The following MAP7 variants were observed in gnomAD, a reference collection of about 807,000 sequenced individuals.
The protein encoded by MAP7 is ensconsin.
Under a neutral mutation model 94.8 loss-of-function variants are expected in MAP7, and 52 were observed. The ratio of observed to expected loss-of-function variants is 0.55; its 90% CI spans 0.44 to 0.69. The LOEUF is 0.69. Among genes scored for constraint, MAP7 ranks in the 30% least tolerant of loss-of-function variants. MAP7 has a pLI of 0.00. For missense variants in MAP7, 940 were observed against 964.6 expected, an observed-to-expected ratio of 0.97 and a Z score of 0.34; for synonymous variants, 350 against 357.0, an observed-to-expected ratio of 0.98 and a Z score of 0.22.
At chr6:136,467,782 T>G (rs963888648) in intron 1 of MAP7, among the ~76,000 whole-genome samples, 1 of 152,144 alleles carries the variant, frequency 6.6e-6, no homozygotes, top group Non-Finnish European at 1.5e-5. Flanking sequence ...CAGAACACTT[T>G]GATTACAACC....
chr6:136,403,000 G>C (rs1025419764), intron 3 of MAP7, among the ~76,000 whole-genome samples: 1 of 149,528 alleles, frequency 6.7e-6, no homozygotes, highest in Non-Finnish European at 1.5e-5. Context: ...AGGAATGTTA[G>C]CCTTCACTAA....
At chr6:136,360,235 C>G (rs1792182141) in intron 13 of MAP7, among the ~76,000 whole-genome samples, 1 of 151,702 alleles carries the variant, frequency 6.6e-6, no homozygotes, top group South Asian at 2.1e-4. Flanking sequence ...TTCACTGTAG[C>G]CTCTGCCTCC....
At chr6:136,477,200 C>T (rs1003013851) in intron 1 of MAP7, among the ~76,000 whole-genome samples, 12 of 152,128 alleles carry the variant, frequency 7.9e-5, no homozygotes, top group Admixed American at 2.0e-4. Flanking sequence ...CCTCCTGATA[C>T]GATACATGGA....
rs190326438 is a variant in MAP7, at chr6:136,527,662, A to G, written c.67+22680T>C. Among the ~76,000 whole-genome samples the G allele has an allele frequency of 1.6e-4, 24 of 152,272 alleles. No individual in the cohort carries two copies. In the East Asian group the frequency reaches 4.1e-3, roughly 26 times the overall value. On this transcript the variant is annotated intron_variant, in intron 1 of 17. Coordinates refer to ENST00000354570, the MANE Select transcript of MAP7 (RefSeq NM_003980.6). The stretch of plus-strand genomic sequence containing the variant: ...AACTTGAAGTGCTTAATAAATACCA[A>G]CTATTATTATACTTTATAATAGTTT...
At chr6:136,400,691 G>T (rs774125613) in intron 3 of MAP7, among the ~76,000 whole-genome samples, 4 of 152,312 alleles carry the variant, frequency 2.6e-5, no homozygotes, top group African/African-American at 9.6e-5. Context: ...ACCCAAAGAA[G>T]TGAAATGATG....
chr6:136,412,942 C>G (rs996064330), intron 2 of MAP7, among the ~76,000 whole-genome samples: 11 of 151,954 alleles, frequency 7.2e-5, no homozygotes, highest in South Asian at 6.2e-4. Context: ...GGGTGGATTG[C>G]CTGAGCTGAG....
intron 8 of MAP7, among the ~76,000 whole-genome samples, 154 bp downstream of exon 8, chr6:136,372,346 CA>C (rs1295334896): frequency 6.6e-6 from 1 of 152,166 alleles, no homozygotes; most frequent in African/African-American, 2.4e-5. Context: ...CACTACTGCC[CA>C]GCTAGCCAGA....
chr6:136,445,386 C>T (rs1278243007), intron 1 of MAP7, among the ~76,000 whole-genome samples: 1 of 152,196 alleles, frequency 6.6e-6, no homozygotes, highest in Admixed American at 6.5e-5. Context: ...AATTTACTGT[C>T]CCTAGCCCAG....
chr6:136,520,951 T>G (rs1000790266), intron 1 of MAP7, among the ~76,000 whole-genome samples: 1 of 152,170 alleles, frequency 6.6e-6, no homozygotes, highest in African/African-American at 2.4e-5. Flanking sequence ...CTAAGGGGCT[T>G]GGACTATTCC....
chr6:136,492,844 T>C (rs1037511340), intron 1 of MAP7, among the ~76,000 whole-genome samples: 4 of 152,136 alleles, frequency 2.6e-5, no homozygotes, highest in South Asian at 2.1e-4. Context: ...TAGAGTATTA[T>C]TAAATAAAGT....
chr6:136,456,807 GAA>G (rs1456082557), intron 1 of MAP7, among the ~76,000 whole-genome samples: 4 of 70,958 alleles, frequency 5.6e-5, no homozygotes, highest in Admixed American at 3.2e-4. Context: ...AGAAGAAGAA[GAA>G]GAAGAAGAAG....
chr6:136,352,281 G>A (rs1789465348), intron 16 of MAP7, among the ~76,000 whole-genome samples: 2 of 150,966 alleles, frequency 1.3e-5, no homozygotes, highest in African/African-American at 4.9e-5. Flanking sequence ...TCGACCTCCT[G>A]AGCTCACGCC....
Position 136,352,121 on chromosome 6 carries a change from A to T in MAP7, c.2015+4571T>A, listed in dbSNP as rs575388878. Among the ~76,000 whole-genome samples the T allele has an allele frequency of 2.0e-5, 3 of 152,046 alleles. No individual in the cohort carries two copies. The East Asian group carries it at 5.8e-4, about 29-fold the overall frequency. On this transcript the variant is annotated intron_variant, in intron 16 of 17. Transcript: ENST00000354570. The stretch of plus-strand genomic sequence containing the variant: ...AACAAGGTCTGGATTACAGACCTGC[A>T]GGGTAAGGGATCTTTCTTCTTGGGT...
chr6:136,364,259 T>G, intron 10 of MAP7: 1 of 541,196 alleles, frequency 1.8e-6, no homozygotes, highest in Non-Finnish European at 3.7e-6. Context: ...ATGTTGAACC[T>G]TTTTGGACTG....
intron 1 of MAP7, among the ~76,000 whole-genome samples, chr6:136,543,252 A>AC (rs1211061518): frequency 1.3e-5 from 2 of 152,230 alleles, no homozygotes; most frequent in Non-Finnish European, 2.9e-5. Flanking sequence ...ACAATGGCAA[A>AC]CTACTTCATC....
intron 1 of MAP7, among the ~76,000 whole-genome samples, chr6:136,472,368 T>A (rs1227980122): frequency 7.9e-5 from 12 of 152,200 alleles, no homozygotes; most frequent in Admixed American, 6.5e-4. Flanking sequence ...GGACATTTGT[T>A]AATTTCCTTA....
At chr6:136,412,517 A>C (rs1305623305) in intron 2 of MAP7, among the ~76,000 whole-genome samples, 1 of 152,216 alleles carries the variant, frequency 6.6e-6, no homozygotes, top group Non-Finnish European at 1.5e-5. Flanking sequence ...CATGTCAGGA[A>C]AAGGATGTTT....
At chr6:136,534,142 G>A (rs916932447) in intron 1 of MAP7, among the ~76,000 whole-genome samples, 30 of 152,250 alleles carry the variant, frequency 2.0e-4, no homozygotes, top group East Asian at 1.7e-3. Context: ...ATTCTTCCAC[G>A]AAATAGAACC....
chr6:136,428,740 C>A (rs1465918958), intron 1 of MAP7, among the ~76,000 whole-genome samples: 1 of 152,128 alleles, frequency 6.6e-6, no homozygotes, highest in Admixed American at 6.5e-5. Flanking sequence ...TAAACAGTCT[C>A]CAAATAAATG....
Sources: allele counts gnomAD v4.1 joint callset (sites outside exome capture counted in the v4.1 genomes callset), GRCh38; gene constraint gnomAD v4.1.1; transcripts MANE v1.5; gene names NCBI Gene and HGNC (gene_info 2026-07-23, HGNC 2026-07-21).